The following RELCH variants were observed in gnomAD, a reference collection of about 807,000 sequenced individuals.
The protein encoded by RELCH is RAB11 binding and LisH domain, coiled-coil and HEAT repeat containing.
Under a neutral mutation model 150.3 loss-of-function variants are expected in RELCH, and 41 were observed. The observed-to-expected ratio is 0.27, with a 90% CI of 0.21 to 0.35. RELCH has a LOEUF of 0.35. RELCH is among the 10% of genes least tolerant of loss of function. The pLI, the probability that RELCH is intolerant of heterozygous loss-of-function variation, is 1.00. For synonymous variants in RELCH, 478 were observed against 531.8 expected (o/e 0.90, Z 1.39); for missense variants, 1,092 against 1,467.8 (o/e 0.74, Z 4.18).
chr18:62,264,643 A>G (rs1011817225), intron 17 of RELCH, 86 bp from the exon 18 acceptor site: 3 of 987,430 alleles, frequency 3.0e-6, no homozygotes, highest in Non-Finnish European at 4.6e-6. Flanking sequence ...AGAACAGGTT[A>G]TTAGATTTGC....
intron 1 of RELCH, among the ~76,000 whole-genome samples, chr18:62,190,315 A>C (rs1284751616): frequency 6.6e-6 from 1 of 152,228 alleles, no homozygotes; most frequent in East Asian, 1.9e-4. Flanking sequence ...GCAGTGGCTC[A>C]CGCCCGTAAT....
intron 2 of RELCH, among the ~76,000 whole-genome samples, chr18:62,216,496 C>A (rs1275240376): frequency 6.6e-6 from 1 of 152,060 alleles, no homozygotes; most frequent in Non-Finnish European, 1.5e-5. Context: ...ACTATGCTTT[C>A]TGATTTGTAG....
intron 20 of RELCH, among the ~76,000 whole-genome samples, chr18:62,272,127 T>A (rs2043936571): frequency 6.6e-6 from 1 of 152,286 alleles, no homozygotes; most frequent in South Asian, 2.1e-4. Flanking sequence ...AATACTACCC[T>A]GATATGGATA....
intron 19 of RELCH, among the ~76,000 whole-genome samples, chr18:62,267,565 G>T (rs1232752584): frequency 6.7e-6 from 1 of 149,950 alleles, no homozygotes; most frequent in African/African-American, 2.5e-5. Context: ...GAGTTGAATG[G>T]TCTAGAAAAC....
chr18:62,277,056 C>A (rs1438963586), intron 22 of RELCH, among the ~76,000 whole-genome samples: 1 of 152,038 alleles, frequency 6.6e-6, no homozygotes, highest in African/African-American at 2.4e-5. Flanking sequence ...AAAGCTATTT[C>A]TTTTTCTTAA....
chr18:62,205,401 C>G (rs1475292687), intron 1 of RELCH, among the ~76,000 whole-genome samples: 2 of 152,174 alleles, frequency 1.3e-5, no homozygotes, highest in Non-Finnish European at 2.9e-5. Context: ...CCCTTTACCA[C>G]AAGAACCACT....
chr18:62,227,461 C>T lies in RELCH; in HGVS notation c.1031C>T (p.Pro344Leu). ...CTTACACCAATTATAAGCAACCTTC[C>T]TCCAACTCTTGAAACTCCCCAGCCT... The part of the protein sequence containing the change: ...EALTPIISNL[P>L]PTLETPQPAE... Residue 344 changes from proline to leucine, a missense_variant, in exon 6 of 29, where the codon CCT becomes CTT. By Grantham distance (98) the Pro-to-Leu change is moderately conservative (BLOSUM62 -3). Around this residue, in one of 4 missense-constraint regions of RELCH, gnomAD observed 57 missense variants for 41.5 expected, o/e 1.37. Transcript: ENST00000644646. The T allele has an allele frequency of 6.2e-7, 1 of 1,613,244 alleles. No individual in the cohort carries two copies. The highest frequency in any genetic ancestry group is 8.5e-7 in the Non-Finnish European group (1 of 1,179,566).
intron 11 of RELCH, chr18:62,246,586 G>C (rs1457701747): frequency 2.0e-5 from 3 of 152,190 alleles, no homozygotes; most frequent in Non-Finnish European, 4.4e-5. Context: ...TGAAGGGCCT[G>C]AGAAAATTTT....
chr18:62,221,778 A>G (rs573841497), intron 5 of RELCH, among the ~76,000 whole-genome samples: 1 of 151,814 alleles, frequency 6.6e-6, no homozygotes, highest in Admixed American at 6.6e-5. Flanking sequence ...ATATATTCAT[A>G]AAGTATGCTT....
chr18:62,260,208 C>CAAAAAAAAA (rs1555739793), intron 15 of RELCH, among the ~76,000 whole-genome samples: 2 of 34,578 alleles, frequency 5.8e-5, no homozygotes, highest in African/African-American at 2.2e-4. Context: ...AAAAAAAATC[C>CAAAAAAAAA]AATTAAGGAA....
At chr18:62,242,136 C>A (rs1431357576) in intron 10 of RELCH, among the ~76,000 whole-genome samples, 1 of 152,100 alleles carries the variant, frequency 6.6e-6, no homozygotes, top group African/African-American at 2.4e-5. Context: ...GTTGTAACTG[C>A]CATAGCCATA....
chr18:62,269,716 A>G (rs967239127), intron 20 of RELCH, among the ~76,000 whole-genome samples: 1 of 152,188 alleles, frequency 6.6e-6, no homozygotes, highest in African/African-American at 2.4e-5. Flanking sequence ...TAAGTACTTA[A>G]CAATAAGAAA....
At chr18:62,271,826 A>T (rs1308491213) in intron 20 of RELCH, among the ~76,000 whole-genome samples, 7 of 152,228 alleles carry the variant, frequency 4.6e-5, no homozygotes, top group African/African-American at 1.7e-4. Context: ...TTTTCCCAGC[A>T]CCATTTATTA....
In RELCH at chr18:62,258,487, A is replaced by T. The variant is rs745370319; in HGVS notation, c.2038-25A>T. ...TTTAAGTTTATCCCTTTAAAAATCT[A>T]CATTTGCCTTTTTCTCATTGACAGG... On this transcript the variant is annotated intron_variant, in intron 14 of 28. Coordinates refer to ENST00000644646, the MANE Select transcript of RELCH (RefSeq NM_001346231.2). The T allele has an allele frequency of 3.2e-6, 5 of 1,582,932 alleles. No individual in the cohort carries two copies. In the East Asian group the frequency reaches 1.1e-4, roughly 36 times the overall value.
At position 62,308,160 on chromosome 18, in the gene RELCH, C is replaced by T. The variant is rs2045928358; in HGVS notation, c.*2626C>T. 1 of 152,130 alleles carries T rather than the reference C, an allele frequency of 6.6e-6. No homozygotes were observed. The highest frequency in any genetic ancestry group is 2.1e-4 in the South Asian group (1 of 4,820). The allele number at this position is 152,130 out of a possible 1,614,324, so 9.4% of individuals were successfully genotyped here. ...TAAAAAGTTGGCTCAAATAGTCTCT[C>T]TTAAAATTTAGAGAGGTGAGATCAG... On this transcript the variant is annotated 3_prime_UTR_variant, in exon 29 of 29. Coordinates refer to ENST00000644646, the MANE Select transcript of RELCH (RefSeq NM_001346231.2).
chr18:62,291,340 T>G (rs2045121866), intron 26 of RELCH, among the ~76,000 whole-genome samples: 1 of 152,224 alleles, frequency 6.6e-6, no homozygotes, highest in South Asian at 2.1e-4. Context: ...AATAGCTTTG[T>G]GTGAATAAAC....
At chr18:62,222,457 A>G (rs2040939427) in intron 5 of RELCH, among the ~76,000 whole-genome samples, 1 of 151,958 alleles carries the variant, frequency 6.6e-6, no homozygotes, top group Non-Finnish European at 1.5e-5. Context: ...TGAATATGTG[A>G]GAAACATTGA....
intron 11 of RELCH, chr18:62,246,827 G>A (rs1248870383): frequency 1.3e-5 from 2 of 152,120 alleles, no homozygotes; most frequent in Non-Finnish European, 2.9e-5. Flanking sequence ...AGAAATAGAG[G>A]GAGATGGGCA....
intron 25 of RELCH, among the ~76,000 whole-genome samples, chr18:62,283,651 A>G (rs142420552): frequency 1.8e-4 from 27 of 152,240 alleles, no homozygotes; most frequent in African/African-American, 6.5e-4. Context: ...TTTTTTCACT[A>G]GGTAAGTGTC....
Sources: allele counts gnomAD v4.1 joint callset (sites outside exome capture counted in the v4.1 genomes callset), GRCh38; gene constraint gnomAD v4.1.1; regional missense constraint gnomAD v4.1.1; transcripts MANE v1.5; gene names NCBI Gene and HGNC (gene_info 2026-07-23, HGNC 2026-07-21).